RASGRP4: variants seen among roughly 807,000 people sequenced by gnomAD.
The protein encoded by RASGRP4 is RAS guanyl releasing protein 4, also known as RAS guanyl-releasing protein 4.
Under a neutral mutation model 84.4 loss-of-function variants are expected in RASGRP4, and 52 were observed. The observed-to-expected ratio is 0.62, with a 90% CI of 0.49 to 0.78. The LOEUF is 0.78. RASGRP4 is among the 30% of genes least tolerant of loss of function. The pLI, the probability that RASGRP4 is intolerant of heterozygous loss-of-function variation, is 0.00. For missense variants in RASGRP4, 760 were observed against 886.9 expected, an observed-to-expected ratio of 0.86 and a Z score of 1.82; for synonymous variants, 356 against 359.1, an observed-to-expected ratio of 0.99 and a Z score of 0.10.
Position 38,413,301 on chromosome 19 carries a change from G to A in RASGRP4, c.1312-4C>T. 1 of 1,612,942 alleles carries A rather than the reference G, an allele frequency of 6.2e-7. No homozygotes were observed. Among genetic ancestry groups the A allele is most frequent in the Non-Finnish European group, 8.5e-7 (1 of 1,179,082 alleles). ...GTGCATTGAAGGGGGAGGGTGGCTG[G>A]GGCGGGGACAGAGGAGCACAGTTAG... On this transcript the variant is annotated splice_polypyrimidine_tract_variant and splice_region_variant and intron_variant, in intron 10 of 16. Transcript: ENST00000615439. This position sits in a 1 kb window ranked among gnomAD's most constrained non-coding sequence, Gnocchi z 4.7.
At chr19:38,415,148 G>A in intron 8 of RASGRP4, 25 bp from the exon 9 acceptor site, 1 of 1,563,966 alleles carries the variant, frequency 6.4e-7, no homozygotes, top group Non-Finnish European at 8.7e-7. Context: ...CATGGGATTG[G>A]GGCGTTATCA....
In RASGRP4 at chr19:38,413,243, G is replaced by A. The variant is rs759394488; in HGVS notation, c.1366C>T (p.Pro456Ser). 4 of 1,613,736 alleles carry A rather than the reference G, an allele frequency of 2.5e-6. No individual in the cohort carries two copies. Among genetic ancestry groups the A allele is most frequent in the Non-Finnish European group, 3.4e-6 (4 of 1,179,884 alleles). Residue 456 changes from proline (P) to serine (S), a missense_variant, in exon 11 of 17, where the codon CCC (proline) becomes TCC (serine). Pro to Ser is a moderately conservative substitution (Grantham distance 74, BLOSUM62 -1). Coordinates refer to ENST00000615439, the MANE Select transcript of RASGRP4 (RefSeq NM_170604.3). This position sits in a 1 kb window ranked among gnomAD's most constrained non-coding sequence, Gnocchi z 4.7. ...LVVEWAPGVT[P>S]KPDRVTLGRH... ...CCCAGTGTGACCCTGTCCGGCTTGG[G>A]TGTCACACCAGGGGCCCACTCCACC... is the stretch of plus-strand genomic sequence containing the variant.
At position 38,423,698 on chromosome 19, in the gene RASGRP4, G is replaced by A. The variant is rs192971536; in HGVS notation, c.24-1545C>T. Among the ~76,000 whole-genome samples, 216 of 151,832 alleles carry A rather than the reference G, an allele frequency of 1.4e-3. 2 individuals are homozygous for A. The highest frequency in any genetic ancestry group is 0.013 in the Admixed American group (204 of 15,228). ...TTAAAAATACAAAAATTAGCCAGGC[G>A]TGGTGGTGGGCTCCTGTAATCCCAG... On this transcript the variant is annotated intron_variant, in intron 1 of 16. Transcript: ENST00000615439.
At chr19:38,414,474 G>A (rs1220756261) in intron 9 of RASGRP4, among the ~76,000 whole-genome samples, 2 of 152,044 alleles carry the variant, frequency 1.3e-5, no homozygotes, top group Non-Finnish European at 2.9e-5. Flanking sequence ...TTACAGGCAC[G>A]CACCACCACT....
In RASGRP4 at chr19:38,420,975, G is replaced by A. The variant is rs1971720332; in HGVS notation, c.315-5C>T. The A allele has an allele frequency of 1.9e-6, 3 of 1,613,798 alleles. No individual in the cohort carries two copies. Among genetic ancestry groups the A allele is most frequent in the African/African-American group, 1.3e-5 (1 of 74,892 alleles). On this transcript the variant is annotated splice_region_variant and splice_polypyrimidine_tract_variant and intron_variant, in intron 3 of 16. Coordinates refer to ENST00000615439, the MANE Select transcript of RASGRP4 (RefSeq NM_170604.3). ...TCCCCTGTGGCCTTCTGGTATTTGA[G>A]TTCTGGTCAAGGCTCTGTTTTCCAG...
At position 38,418,562 on chromosome 19, in the gene RASGRP4, G is replaced by A. The variant is rs1303004847; in HGVS notation, c.666C>T (p.Pro222=). The change falls in exon 7 of 17, where the codon CCC becomes CCT. Residue 222 remains proline (P), a splice_region_variant and synonymous_variant. Transcript: ENST00000615439. This position sits in a 1 kb window ranked among gnomAD's most constrained non-coding sequence, Gnocchi z 4.6. ...GCAAAACGTAGCTCCGCAGGTCCTG[G>A]GGCTGGGAGCGAGGTGGGTGTCAAG... ...LEFRSFQAIT[P]QDLRSYVLQG... 1 of 1,517,586 alleles carries A rather than the reference G, an allele frequency of 6.6e-7. No homozygotes were observed. The highest frequency in any genetic ancestry group is 1.4e-5 in the African/African-American group (1 of 72,184). The allele number at this position is 1,517,586 out of a possible 1,614,324, so 94.0% of individuals were successfully genotyped here. A position where few individuals can be genotyped will look rare whatever the true frequency, so the allele number is the denominator to read the frequency against.
At chr19:38,416,984 G>T in intron 8 of RASGRP4, 68 bp downstream of exon 8, 3 of 922,398 alleles carry the variant, frequency 3.3e-6, no homozygotes, top group Non-Finnish European at 5.2e-6. Context: ...GACAGGGCTT[G>T]GGGAATTAGG....
At chr19:38,420,594 G>T (rs1334425051) in intron 4 of RASGRP4, among the ~76,000 whole-genome samples, 2 of 150,874 alleles carry the variant, frequency 1.3e-5, no homozygotes, top group Admixed American at 1.3e-4. Context: ...GAATGAGGGG[G>T]TCTTATGGGC....
intron 15 of RASGRP4, 41 bp downstream of exon 15, chr19:38,411,074 C>A (rs1387882675): frequency 6.2e-7 from 1 of 1,609,528 alleles, no homozygotes; most frequent in African/African-American, 1.3e-5. Flanking sequence ...AACCCCTTTC[C>A]CCCAGGCCCC....
intron 4 of RASGRP4, 69 bp downstream of exon 4, chr19:38,420,839 A>G: frequency 6.7e-7 from 1 of 1,487,848 alleles, no homozygotes; most frequent in Non-Finnish European, 9.4e-7. Flanking sequence ...TCTCTGAGGA[A>G]TGTTTTTTGA....
At position 38,415,109 on chromosome 19, in the gene RASGRP4, G is replaced by A. The variant is rs375292791; in HGVS notation, c.969C>T (p.Leu323=). ...TGTTGTGGGAGGCAAGGAGCTCAGT[G>A]AGCTCCAGGAGGGCCTGGGGAGGAG... ...SPDSTKALLE[L]TELLASHNNY... The change falls in exon 9 of 17, where the codon CTC becomes CTT. Residue 323 remains leucine, a synonymous_variant. Transcript: ENST00000615439. 1.3e-5 allele frequency: 20 copies of A among 1,594,556 alleles called. No homozygotes were observed. Among genetic ancestry groups the A allele is most frequent in the Non-Finnish European group, 1.6e-5 (19 of 1,169,760 alleles).
chr19:38,422,694 G>C (rs1489712942), intron 1 of RASGRP4, among the ~76,000 whole-genome samples: 2 of 152,122 alleles, frequency 1.3e-5, no homozygotes, highest in Non-Finnish European at 2.9e-5. Context: ...ATCACCCCCA[G>C]ATGGGAGCAT....
At chr19:38,425,207 A>AC (rs948920076) in intron 1 of RASGRP4, among the ~76,000 whole-genome samples, 18 of 151,954 alleles carry the variant, frequency 1.2e-4, no homozygotes, top group Non-Finnish European at 2.2e-4. Context: ...AAAAAAAAAA[A>AC]AACCAAACAC....
rs34348646 is a variant in RASGRP4 at position 38,409,143 on chromosome 19, T to TGGGG, written c.*893_*896dup. The TGGGG allele has an allele frequency of 3.8e-6, 1 of 260,144 alleles. No individual in the cohort carries two copies. The highest frequency in any genetic ancestry group is 2.4e-5 in the African/African-American group (1 of 42,154). 16.1% of individuals were successfully genotyped at this position (260,144 alleles called of 1,614,324 possible). A position where few individuals can be genotyped will look rare whatever the true frequency, so the allele number is the denominator to read the frequency against. ...GGGGTGTTGGGGTTTGTGAAGGGGT[T>TGGGG]GGGGGGGTCTCTGCTCCCTGGGACT... is the stretch of plus-strand genomic sequence containing the variant. On this transcript the variant is annotated 3_prime_UTR_variant, in exon 17 of 17. Transcript: ENST00000615439.
rs1409351211 is a variant in RASGRP4, at chr19:38,417,020, C to A, written c.954+32G>T. 7.5e-7 allele frequency: 1 copy of A among 1,332,852 alleles called. No individual in the cohort carries two copies. Among genetic ancestry groups the A allele is most frequent in the Admixed American group, 2.0e-5 (1 of 50,736 alleles). 82.6% of individuals were successfully genotyped at this position (1,332,852 alleles called of 1,614,324 possible). A position where few individuals can be genotyped will look rare whatever the true frequency, so the allele number is the denominator to read the frequency against. On this transcript the variant is annotated intron_variant, in intron 8 of 16. Coordinates refer to ENST00000615439, the MANE Select transcript of RASGRP4 (RefSeq NM_170604.3). The surrounding 1 kb of genome is among the most constrained non-coding windows in gnomAD (Gnocchi z 5.1). ...TGTGGGGGCTCAAGACAGCTGACCA[C>A]TTGGAGCTTTGGGGAGGGTAGTGGG...
At chr19:38,410,267 T>C (rs964877291) in intron 16 of RASGRP4, among the ~76,000 whole-genome samples, 171 bp from the exon 17 acceptor site, 3 of 152,150 alleles carry the variant, frequency 2.0e-5, no homozygotes, top group Non-Finnish European at 4.4e-5. Flanking sequence ...TGCCCTCAAA[T>C]AGTGGCGTTT....
At position 38,422,029 on chromosome 19, in the gene RASGRP4, G is replaced by T; in HGVS notation, c.148C>A (p.Leu50Met). 6.2e-7 allele frequency: 1 copy of T among 1,613,590 alleles called. No individual in the cohort carries two copies. ...SKVMASMNLG[L>M]LSEGGCSEDE... ...TCGCTGCAGCCGCCCTCACTCAGCA[G>T]GCCCAGGTTCATGGAAGCCATGACC... The change falls in exon 2 of 17, where the codon CTG becomes ATG. Residue 50 changes from leucine (L) to methionine (M), a missense_variant. By Grantham distance (15) the Leu-to-Met change is conservative. Coordinates refer to ENST00000615439, the MANE Select transcript of RASGRP4 (RefSeq NM_170604.3).
chr19:38,409,964 C>T lies in RASGRP4; in HGVS notation c.*76G>A, dbSNP rs1460895950. On this transcript the variant is annotated 3_prime_UTR_variant, in exon 17 of 17. Coordinates refer to ENST00000615439, the MANE Select transcript of RASGRP4 (RefSeq NM_170604.3). ...GCCTCTGGAGGCCTACCTCTGGGAG[C>T]CCTGCCAGAGTCTGACGGCAGGACT... 2.5e-6 allele frequency: 3 copies of T among 1,212,356 alleles called. No homozygotes were observed. Among genetic ancestry groups the T allele is most frequent in the Non-Finnish European group, 3.5e-6 (3 of 852,232 alleles). 75.1% of individuals were successfully genotyped at this position (1,212,356 alleles called of 1,614,324 possible).
At position 38,413,234 on chromosome 19, in the gene RASGRP4, C is replaced by G. The variant is rs1236690299; in HGVS notation, c.1375G>C (p.Asp459His). The change falls in exon 11 of 17, where the codon GAC (aspartate) becomes CAC (histidine). Residue 459 changes from aspartate to histidine, a missense_variant. Transcript: ENST00000615439. This position sits in a 1 kb window ranked among gnomAD's most constrained non-coding sequence, Gnocchi z 4.7. ...ACATGCCGACCCAGTGTGACCCTGT[C>G]CGGCTTGGGTGTCACACCAGGGGCC... ...EWAPGVTPKP[D>H]RVTLGRHVEQ... 1 of 1,613,798 alleles carries G rather than the reference C, an allele frequency of 6.2e-7. No individual in the cohort carries two copies. The highest frequency in any genetic ancestry group is 1.7e-5 in the Admixed American group (1 of 60,010).
Sources: gnomAD v4.1 joint callset for allele counts (sites outside exome capture counted in the v4.1 genomes callset) on GRCh38, gnomAD v4.1.1 for gene constraint, Gnocchi (gnomAD v3.1) non-coding constraint, MANE v1.5 for transcripts, NCBI Gene and HGNC (gene_info 2026-07-23, HGNC 2026-07-21) for gene names.